PDS5A: variants seen among roughly 807,000 people sequenced by gnomAD.
The protein encoded by PDS5A is PDS5 cohesin associated factor A, also known as sister chromatid cohesion protein PDS5 homolog A.
A neutral mutation model predicts 167.1 loss-of-function variants in PDS5A; 42 were observed. The ratio of observed to expected loss-of-function variants is 0.25; its 90% CI spans 0.20 to 0.33. PDS5A has a LOEUF of 0.33. Among genes scored for constraint, PDS5A ranks in the 10% least tolerant of loss-of-function variants. The pLI, the probability that PDS5A is intolerant of heterozygous loss-of-function variation, is 1.00. For synonymous variants in PDS5A, 553 were observed against 554.6 expected (o/e 1.00, Z 0.04); for missense variants, 1,033 against 1,605.9 (o/e 0.64, Z 6.10).
At chr4:39,837,585 G>T in intron 32 of PDS5A, 1 of 368,096 alleles carries the variant, frequency 2.7e-6, no homozygotes, top group Non-Finnish European at 4.8e-6. Flanking sequence ...CTAAGCAAAA[G>T]AAATATTTGT....
chr4:39,859,775 C>T (rs1005511034), intron 26 of PDS5A, among the ~76,000 whole-genome samples: 2 of 152,252 alleles, frequency 1.3e-5, no homozygotes, highest in Non-Finnish European at 2.9e-5. Context: ...GGGAAGCCCA[C>T]TCCAGTCCTG....
chr4:39,860,509 A>G (rs1718896434), intron 26 of PDS5A, among the ~76,000 whole-genome samples: 1 of 152,090 alleles, frequency 6.6e-6, no homozygotes, highest in Admixed American at 6.6e-5. Context: ...GGAAATTAGT[A>G]GATCTAAGAG....
intron 17 of PDS5A, among the ~76,000 whole-genome samples, chr4:39,884,561 A>G (rs1721247309): frequency 6.6e-6 from 1 of 152,000 alleles, no homozygotes; most frequent in African/African-American, 2.4e-5. Context: ...GTTCATTGTG[A>G]TTTTTTCCCA....
chr4:39,974,308 C>CA, intron 2 of PDS5A: 1 of 532,778 alleles, frequency 1.9e-6, no homozygotes, highest in Non-Finnish European at 3.8e-6. Context: ...TTCCATGAGT[C>CA]ATGTCAACAG....
chr4:39,904,287 G>A, intron 11 of PDS5A, 96 bp from the exon 12 acceptor site: 1 of 669,500 alleles, frequency 1.5e-6, no homozygotes, highest in Non-Finnish European at 2.3e-6. Context: ...ACAGTCTTAT[G>A]TGTGCCTTTA....
chr4:39,949,907 CATTTT>C (rs763259314), intron 2 of PDS5A, among the ~76,000 whole-genome samples: 1 of 149,024 alleles, frequency 6.7e-6, no homozygotes, highest in Non-Finnish European at 1.5e-5. Context: ...AACAACCATA[CATTTT>C]ATTTTATTTT....
intron 22 of PDS5A, among the ~76,000 whole-genome samples, chr4:39,869,116 C>A (rs1202558407): frequency 6.6e-6 from 1 of 152,040 alleles, no homozygotes; most frequent in African/African-American, 2.4e-5. Flanking sequence ...CCATTTTTTG[C>A]AATGGATTTT....
chr4:39,908,890 T>A (rs776080258), intron 10 of PDS5A: 1 of 199,496 alleles, frequency 5.0e-6, no homozygotes, highest in Non-Finnish European at 1.0e-5. Context: ...AAAAACTCAT[T>A]AGCCAGAAGT....
chr4:39,846,313 AACATGGTGAAACCCTGTCTCT>A (rs1717593060), intron 28 of PDS5A: 1 of 152,354 alleles, frequency 6.6e-6, no homozygotes, highest in Non-Finnish European at 1.5e-5. Flanking sequence ...CCGCCTGGCC[AACATGGTGAAACCCTGTCTCT>A]ACAAAAATAC....
At chr4:39,919,015 G>A (rs911421596) in intron 7 of PDS5A, among the ~76,000 whole-genome samples, 7 of 152,126 alleles carry the variant, frequency 4.6e-5, no homozygotes, top group African/African-American at 1.4e-4. Context: ...TAATGGGGAT[G>A]GTTATTTCTG....
intron 2 of PDS5A, among the ~76,000 whole-genome samples, chr4:39,930,247 G>T (rs796380946): frequency 0.015 from 925 of 61,148 alleles, 11 homozygotes; most frequent in Non-Finnish European, 0.019. Context: ...AAAAAAAAAA[G>T]TTTTTTTGTT....
At chr4:39,931,319 T>G (rs1366151152) in intron 2 of PDS5A, among the ~76,000 whole-genome samples, 1 of 152,080 alleles carries the variant, frequency 6.6e-6, no homozygotes, top group Non-Finnish European at 1.5e-5. Flanking sequence ...CTAAAAAAAT[T>G]TTTTTTAATT....
At chr4:39,928,270 C>A in intron 2 of PDS5A, 106 bp from the exon 3 acceptor site, 1 of 652,676 alleles carries the variant, frequency 1.5e-6, no homozygotes, top group Non-Finnish European at 2.6e-6. Flanking sequence ...CAATCGGTGG[C>A]CACCAGACAG....
At chr4:39,973,775 C>A (rs1730797858) in intron 2 of PDS5A, 1 of 1,287,150 alleles carries the variant, frequency 7.8e-7, no homozygotes, top group Non-Finnish European at 1.1e-6. Context: ...GTAATCAACC[C>A]CTACCAGCCA....
intron 17 of PDS5A, among the ~76,000 whole-genome samples, 159 bp downstream of exon 17, chr4:39,890,090 T>C (rs985996430): frequency 2.0e-5 from 3 of 152,212 alleles, no homozygotes; most frequent in Admixed American, 2.0e-4. Flanking sequence ...GATCATAAAA[T>C]GAGAAGGCTT....
chr4:39,884,700 C>T (rs998448359), intron 17 of PDS5A, among the ~76,000 whole-genome samples: 1 of 152,186 alleles, frequency 6.6e-6, no homozygotes, highest in African/African-American at 2.4e-5. Flanking sequence ...TATGTCTGCT[C>T]AAAACTTAAA....
chr4:39,849,550 G>A lies in PDS5A; in HGVS notation c.3189C>T (p.Ala1063=). 6.2e-7 allele frequency: 1 copy of A among 1,611,052 alleles called. No individual in the cohort carries two copies. Among genetic ancestry groups the A allele is most frequent in the Non-Finnish European group, 8.5e-7 (1 of 1,177,678 alleles). The change falls in exon 27 of 33, where the codon GCC becomes GCT. Residue 1063 remains alanine, a synonymous_variant. Coordinates refer to ENST00000303538, the MANE Select transcript of PDS5A (RefSeq NM_001100399.2). Reference sequence around the variant, plus strand: ...TTGTCTTGGATTCATCTGGAGACTGGGCATCTCTGGTTAACTTGATGTTCT... The same window carrying A: ...TTGTCTTGGATTCATCTGGAGACTGAGCATCTCTGGTTAACTTGATGTTCT... ...MAENIKLTRD[A]QSPDESKTNE...
chr4:39,849,597 C>T lies in PDS5A; in HGVS notation c.3142G>A (p.Ala1048Thr). The change falls in exon 27 of 33, where the codon GCC becomes ACC. Residue 1048 changes from alanine (A) to threonine (T), a missense_variant. Around this residue, in one of 4 missense-constraint regions of PDS5A, gnomAD observed 367 missense variants for 686.7 expected, o/e 0.53. Coordinates refer to ENST00000303538, the MANE Select transcript of PDS5A (RefSeq NM_001100399.2). ...TTCTCTGCCATCTTCTTCATAAAGG[C>T]ATGGCTATTGTTTTCATTCTTTGTC... is the stretch of plus-strand genomic sequence containing the variant. The part of the protein sequence containing the change: ...LMTKNENNSH[A>T]FMKKMAENIK... 3.1e-6 allele frequency: 5 copies of T among 1,607,868 alleles called. No homozygotes were observed. The South Asian group carries it at 5.5e-5, about 18-fold the overall frequency.
At position 39,956,889 on chromosome 4, in the gene PDS5A, C is replaced by G. The variant is rs552045029; in HGVS notation, c.138+19551G>C. Among the ~76,000 whole-genome samples, 5 of 152,276 alleles carry G rather than the reference C, an allele frequency of 3.3e-5. No individual in the cohort carries two copies. The East Asian group carries it at 9.7e-4, about 29-fold the overall frequency. ...GTTTTGCCATGTTGCCCGCGCTAGT[C>G]TCAAACTCCTGGCCTCAAGTGATCT... On this transcript the variant is annotated intron_variant, in intron 2 of 32. Transcript: ENST00000303538.
Sources: allele counts gnomAD v4.1 joint callset (sites outside exome capture counted in the v4.1 genomes callset), GRCh38; gene constraint gnomAD v4.1.1; regional missense constraint gnomAD v4.1.1; transcripts MANE v1.5; gene names NCBI Gene and HGNC (gene_info 2026-07-23, HGNC 2026-07-21).